ACSM5: variants seen among roughly 807,000 people sequenced by gnomAD.
ACSM5 encodes the protein acyl-CoA synthetase medium chain family member 5, also known as acyl-coenzyme A synthetase ACSM5, mitochondrial.
A neutral mutation model predicts 71.6 loss-of-function variants in ACSM5; 56 were observed. The observed-to-expected ratio is 0.78, with a 90% confidence interval of 0.63 to 0.98. The LOEUF (loss-of-function observed/expected upper bound fraction) is 0.98, where lower values mean the gene tolerates loss of function less well. Among genes scored for constraint, ACSM5 ranks in the 50% least tolerant of loss-of-function variants. ACSM5 has a pLI of 0.00. For missense variants in ACSM5, 723 were observed against 726.0 expected, an observed-to-expected ratio of 1.00 and a Z score of 0.05; for synonymous variants, 285 against 281.5, an observed-to-expected ratio of 1.01 and a Z score of -0.12.
Position 20,418,075 on chromosome 16 carries a change from C to A in ACSM5, c.221C>A (p.Pro74Gln). 1 of 1,613,740 alleles carries A rather than the reference C, an allele frequency of 6.2e-7. No individual in the cohort carries two copies. Among genetic ancestry groups the A allele is most frequent in the Non-Finnish European group, 8.5e-7 (1 of 1,179,934 alleles). The change falls in exon 3 of 14, where the codon CCA becomes CAA. Residue 74 changes from proline (P) to glutamine (Q), a missense_variant. Transcript: ENST00000331849. ...ACCATCTAGGCTGGACACCGCCCCCCAAATCCTGCCTTCTGGTGGGTCAAT... is the reference window on the plus strand; with the variant it reads ...ACCATCTAGGCTGGACACCGCCCCCAAAATCCTGCCTTCTGGTGGGTCAAT... ...SRLEEAGHRP[P>Q]NPAFWWVNGT...
At chr16:20,428,545 C>T (rs896181615) in intron 7 of ACSM5, among the ~76,000 whole-genome samples, 1 of 152,192 alleles carries the variant, frequency 6.6e-6, no homozygotes, top group African/African-American at 2.4e-5. Flanking sequence ...GACCTGTTCT[C>T]CCTCTTTTGT....
At chr16:20,439,295 T>C (rs1967268045) in intron 12 of ACSM5, among the ~76,000 whole-genome samples, 1 of 124,188 alleles carries the variant, frequency 8.1e-6, no homozygotes, top group Non-Finnish European at 1.6e-5. Flanking sequence ...TCCCTCGGGA[T>C]GTCTGGAACA....
chr16:20,418,220 C>T lies in ACSM5; in HGVS notation c.366C>T (p.Leu122=), dbSNP rs761488780. 25 of 1,612,206 alleles carry T rather than the reference C, an allele frequency of 1.6e-5. No individual in the cohort carries two copies. Among genetic ancestry groups the T allele is most frequent in the Non-Finnish European group, 1.9e-5 (23 of 1,179,826 alleles). ...CTGGGGACAGAATGATGCTGGTACT[C>T]CCACGGCTCCCGGAGTGGTGGCTGG... is the stretch of plus-strand genomic sequence containing the variant. ...LQPGDRMMLV[L]PRLPEWWLVS... is the part of the protein sequence containing the mutation. Residue 122 remains leucine (L), a synonymous_variant, in exon 3 of 14, where the codon CTC becomes CTT. Coordinates refer to ENST00000331849, the MANE Select transcript of ACSM5 (RefSeq NM_017888.3).
intron 10 of ACSM5, among the ~76,000 whole-genome samples, chr16:20,436,094 C>CTTTCTTTCTT (rs1567348107): frequency 6.4e-4 from 90 of 141,392 alleles, no homozygotes; most frequent in African/African-American, 2.2e-3. Context: ...CCTTCCTTTT[C>CTTTCTTTCTT]TCTTTCTTTC....
intron 10 of ACSM5, among the ~76,000 whole-genome samples, chr16:20,436,557 G>C (rs1967204865): frequency 6.6e-6 from 1 of 152,040 alleles, no homozygotes; most frequent in South Asian, 2.1e-4. Flanking sequence ...CTTTAGTAGA[G>C]ACAGGTTTTC....
chr16:20,440,655 C>T lies in ACSM5; in HGVS notation c.*228C>T, dbSNP rs185868342. 9.4e-4 allele frequency: 442 copies of T among 471,818 alleles called. 2 individuals carry two copies. The highest frequency in any genetic ancestry group is 7.8e-3 in the African/African-American group (401 of 51,270). 29.2% of individuals were successfully genotyped at this position (471,818 alleles called of 1,614,324 possible). On this transcript the variant is annotated 3_prime_UTR_variant, in exon 14 of 14. Transcript: ENST00000331849. The stretch of plus-strand genomic sequence containing the variant: ...GCCGCCTAGCAAATGCTTGGTGGTT[C>T]GACTTCTCCCTCTGTCTGGGGGCAG...
At chr16:20,410,465 T>A (rs1183634431) in intron 1 of ACSM5, among the ~76,000 whole-genome samples, 1 of 152,174 alleles carries the variant, frequency 6.6e-6, no homozygotes, top group African/African-American at 2.4e-5. Context: ...GCACAGTGGC[T>A]CACATCTGTA....
intron 3 of ACSM5, 60 bp downstream of exon 3, chr16:20,418,329 A>T: frequency 6.6e-7 from 1 of 1,514,616 alleles, no homozygotes; most frequent in Non-Finnish European, 9.0e-7. Flanking sequence ...AGAGCTTTGC[A>T]GTGTCCACAG....
At chr16:20,414,298 G>T (rs1966852591) in intron 2 of ACSM5, among the ~76,000 whole-genome samples, 1 of 152,060 alleles carries the variant, frequency 6.6e-6, no homozygotes. Flanking sequence ...GATTATTCTG[G>T]ATTATCTGGA....
chr16:20,428,435 C>G (rs1240972647), intron 7 of ACSM5, among the ~76,000 whole-genome samples: 1 of 152,204 alleles, frequency 6.6e-6, no homozygotes, highest in African/African-American at 2.4e-5. Flanking sequence ...GATGATGGCT[C>G]CATCCTGGGT....
At chr16:20,410,627 G>A (rs949565866) in intron 1 of ACSM5, among the ~76,000 whole-genome samples, 2 of 152,154 alleles carry the variant, frequency 1.3e-5, no homozygotes, top group Admixed American at 1.3e-4. Context: ...CCAGCTACTA[G>A]GAAGCCTGGG....
At position 20,429,634 on chromosome 16, in the gene ACSM5, T is replaced by C. The variant is rs1024796686; in HGVS notation, c.1002-44T>C. ...AGTGGCACCAGAGGGCGGGGTGATA[T>C]GAAGATCCTGACATAGGTGGCCTTG... On this transcript the variant is annotated intron_variant, in intron 7 of 13. Transcript: ENST00000331849. The C allele has an allele frequency of 2.5e-6, 4 of 1,612,206 alleles. No individual in the cohort carries two copies. In the African/African-American group the frequency reaches 5.3e-5, roughly 22 times the overall value.
chr16:20,419,468 T>C, intron 4 of ACSM5, 33 bp downstream of exon 4: 1 of 1,600,004 alleles, frequency 6.2e-7, no homozygotes, highest in South Asian at 1.1e-5. Flanking sequence ...AGCAGAAAAA[T>C]GAAGTCATTT....
At chr16:20,427,437 A>G (rs940075098) in intron 6 of ACSM5, among the ~76,000 whole-genome samples, 1 of 152,244 alleles carries the variant, frequency 6.6e-6, no homozygotes, top group Non-Finnish European at 1.5e-5. Flanking sequence ...TACTCAAAAC[A>G]TGGTGGCTTG....
chr16:20,421,654 T>TACAC (rs1386155215), intron 5 of ACSM5, among the ~76,000 whole-genome samples: 14 of 99,904 alleles, frequency 1.4e-4, no homozygotes, highest in African/African-American at 5.3e-4. Context: ...TATATATATA[T>TACAC]ATACACACAC....
intron 10 of ACSM5, 28 bp from the exon 11 acceptor site, chr16:20,437,024 T>G (rs774784177): frequency 1.2e-6 from 2 of 1,613,230 alleles, no homozygotes; most frequent in East Asian, 2.2e-5. Flanking sequence ...TCCCAGAGGG[T>G]CCTTCACGGG....
In ACSM5 at chr16:20,431,055, C is replaced by T. The variant is rs2141656830; in HGVS notation, c.1188C>T (p.Ser396=). 1 of 1,613,780 alleles carries T rather than the reference C, an allele frequency of 6.2e-7. No individual in the cohort carries two copies. Reference sequence around the variant, plus strand: ...AGTCTGGATCCATGGGGAAGGCGTCCCCACCCTACGATGTGCAGGTAGCAG... The same window carrying T: ...AGTCTGGATCCATGGGGAAGGCGTCTCCACCCTACGATGTGCAGGTAGCAG... ...KIKSGSMGKA[S]PPYDVQIVDD... The change falls in exon 9 of 14, where the codon TCC becomes TCT. Residue 396 remains serine, a synonymous_variant. Coordinates refer to ENST00000331849, the MANE Select transcript of ACSM5 (RefSeq NM_017888.3).
intron 10 of ACSM5, among the ~76,000 whole-genome samples, chr16:20,435,058 A>C (rs1967166017): frequency 6.6e-6 from 1 of 152,158 alleles, no homozygotes; most frequent in South Asian, 2.1e-4. Context: ...TTTGAGGCAG[A>C]GTCTTGCTCT....
At position 20,439,929 on chromosome 16, in the gene ACSM5, A is replaced by T; in HGVS notation, c.1656+10A>T. ...CAAATACCCCAGGAAGGTAAATATC[A>T]GGGTTTCCAGGGCACAGTGATCTGG... On this transcript the variant is annotated intron_variant, in intron 13 of 13. Coordinates refer to ENST00000331849, the MANE Select transcript of ACSM5 (RefSeq NM_017888.3). 6.2e-7 allele frequency: 1 copy of T among 1,611,928 alleles called. No individual in the cohort carries two copies.
Sources: allele counts gnomAD v4.1 joint callset (sites outside exome capture counted in the v4.1 genomes callset), GRCh38; gene constraint gnomAD v4.1.1; transcripts MANE v1.5; gene names NCBI Gene and HGNC (gene_info 2026-07-23, HGNC 2026-07-21).